ATF7: variants seen among roughly 807,000 people sequenced by gnomAD.
The protein encoded by ATF7 is activating transcription factor 7, also known as cyclic AMP-dependent transcription factor ATF-7.
ATF7 carries 10 observed loss-of-function variants against 50.4 expected under a neutral mutation model. The observed-to-expected ratio is 0.20, with a 90% CI of 0.12 to 0.34. The LOEUF is 0.34. Among genes scored for constraint, ATF7 ranks in the 10% least tolerant of loss-of-function variants. The pLI, the probability that ATF7 is intolerant of heterozygous loss-of-function variation, is 1.00. For missense variants in ATF7, 465 were observed against 613.9 expected, an observed-to-expected ratio of 0.76 and a Z score of 2.56; for synonymous variants, 201 against 226.4, an observed-to-expected ratio of 0.89 and a Z score of 1.01.
intron 7 of ATF7, 54 bp from the exon 8 acceptor site, chr12:53,532,677 T>C: frequency 7.7e-7 from 1 of 1,303,802 alleles, no homozygotes; most frequent in South Asian, 1.3e-5. Flanking sequence ...ATACCATCGG[T>C]GGGGCAACAG....
chr12:53,580,663 C>CAAAAAAA (rs539252431), intron 2 of ATF7, among the ~76,000 whole-genome samples: 3 of 37,644 alleles, frequency 8.0e-5, no homozygotes, highest in Non-Finnish European at 1.2e-4. Flanking sequence ...GACTCCATCT[C>CAAAAAAA]AAAAAAAAAA....
chr12:53,603,416 G>C (rs1008580591), intron 1 of ATF7, among the ~76,000 whole-genome samples: 2 of 151,980 alleles, frequency 1.3e-5, no homozygotes, highest in South Asian at 2.1e-4. Context: ...AATTTGGGGG[G>C]AAAAAGCATT....
At chr12:53,613,421 TAATA>T (rs1364586032) in intron 1 of ATF7, among the ~76,000 whole-genome samples, 18 of 152,318 alleles carry the variant, frequency 1.2e-4, no homozygotes, top group Admixed American at 9.2e-4. Flanking sequence ...TAAAGTAAAT[TAATA>T]AATATTTTAA....
At chr12:53,613,980 AC>A (rs1944005424) in intron 1 of ATF7, among the ~76,000 whole-genome samples, 1 of 152,052 alleles carries the variant, frequency 6.6e-6, no homozygotes, top group Non-Finnish European at 1.5e-5. Flanking sequence ...ACATGCAGAA[AC>A]TGGCTTCAAA....
chr12:53,587,843 A>ATATATATATATATATATATTTTT, intron 2 of ATF7, among the ~76,000 whole-genome samples: 38 of 61,530 alleles, frequency 6.2e-4, no homozygotes, highest in African/African-American at 1.3e-3. Flanking sequence ...ATATATATAT[A>ATATATATATATATATATATTTTT]TTTTTTTTTT....
At chr12:53,532,379 C>T (rs757255182) in intron 8 of ATF7, 131 bp downstream of exon 8, 20 of 672,192 alleles carry the variant, frequency 3.0e-5, no homozygotes, top group Non-Finnish European at 5.0e-5. Flanking sequence ...TTTTCCAGAC[C>T]CCACAGCAGG....
chr12:53,534,694 TTAAGGTGTGCTTATAGGGAAA>T, intron 5 of ATF7, 35 bp from the exon 6 acceptor site: 1 of 1,601,466 alleles, frequency 6.2e-7, no homozygotes, highest in South Asian at 1.1e-5. Flanking sequence ...ACAAAATGTT[TTAAGGTGTGCTTATAGGGAAA>T]TATATAGATG....
At chr12:53,592,748 C>T (rs1942999152) in intron 2 of ATF7, among the ~76,000 whole-genome samples, 1 of 152,102 alleles carries the variant, frequency 6.6e-6, no homozygotes, top group African/African-American at 2.4e-5. Context: ...ACTAAGTACA[C>T]TAGTACAATA....
At chr12:53,616,421 C>T (rs1944120380) in intron 1 of ATF7, among the ~76,000 whole-genome samples, 1 of 151,978 alleles carries the variant, frequency 6.6e-6, no homozygotes, top group Admixed American at 6.6e-5. Context: ...TGGGGTCTCC[C>T]TGTGTTGCTC....
rs145924598 is a variant in ATF7 at position 53,607,886 on chromosome 12, A to C, written c.-21-6865T>G. On this transcript the variant is annotated intron_variant, in intron 1 of 11. Coordinates refer to ENST00000420353, the MANE Select transcript of ATF7 (RefSeq NM_006856.3). ...TAGTAAATCAAAAAATTATAATGTAATCTAATAAGAAAAAAGAATGCAGAT... is the reference window on the plus strand; with the variant it reads ...TAGTAAATCAAAAAATTATAATGTACTCTAATAAGAAAAAAGAATGCAGAT... 3.2e-3 allele frequency among the ~76,000 whole-genome samples: 488 copies of C among 152,246 alleles called. 3 individuals are homozygous for C. Among genetic ancestry groups the C allele is most frequent in the African/African-American group, 0.011 (469 of 41,538 alleles).
intron 1 of ATF7, among the ~76,000 whole-genome samples, chr12:53,621,155 G>T (rs1026935364): frequency 1.4e-4 from 21 of 152,080 alleles, no homozygotes; most frequent in Admixed American, 5.2e-4. Flanking sequence ...TACTGCATTT[G>T]GATTTCAACA....
At chr12:53,561,857 A>T (rs1322058577) in intron 2 of ATF7, among the ~76,000 whole-genome samples, 1 of 152,258 alleles carries the variant, frequency 6.6e-6, no homozygotes, top group Non-Finnish European at 1.5e-5. Context: ...CAGCAACAGT[A>T]GCTCATATGC....
At chr12:53,600,444 C>T (rs1003880964) in intron 2 of ATF7, among the ~76,000 whole-genome samples, 1 of 151,942 alleles carries the variant, frequency 6.6e-6, no homozygotes, top group Admixed American at 6.6e-5. Flanking sequence ...GGGCTCAAGC[C>T]ATTCTCCTGC....
At chr12:53,612,570 C>G (rs1592993686) in intron 1 of ATF7, among the ~76,000 whole-genome samples, 1 of 152,180 alleles carries the variant, frequency 6.6e-6, no homozygotes, top group Non-Finnish European at 1.5e-5. Context: ...CCTTGCCCAA[C>G]AGCTGCATTT....
intron 1 of ATF7, among the ~76,000 whole-genome samples, chr12:53,611,222 G>A (rs1354993064): frequency 3.3e-5 from 5 of 152,120 alleles, no homozygotes; most frequent in Non-Finnish European, 7.4e-5. Context: ...TGTAATCCCG[G>A]CATTTTGGGA....
chr12:53,562,536 G>C (rs570588196), intron 2 of ATF7, among the ~76,000 whole-genome samples: 4 of 151,982 alleles, frequency 2.6e-5, no homozygotes, highest in African/African-American at 9.7e-5. Context: ...CCAGCTACTC[G>C]GGAGGCTGAG....
intron 1 of ATF7, among the ~76,000 whole-genome samples, chr12:53,624,090 A>G (rs1023944872): frequency 1.3e-5 from 2 of 152,224 alleles, no homozygotes; most frequent in Non-Finnish European, 2.9e-5. Flanking sequence ...GCAATCACCA[A>G]TTCTAGGGCA....
At position 53,524,834 on chromosome 12, in the gene ATF7, T is replaced by C. The variant is rs993201484; in HGVS notation, c.928-73A>G. 14 of 1,330,296 alleles carry C rather than the reference T, an allele frequency of 1.1e-5. No homozygotes were observed. Among genetic ancestry groups the C allele is most frequent in the Non-Finnish European group, 1.4e-5 (14 of 991,650 alleles). 82.4% of individuals were successfully genotyped at this position (1,330,296 alleles called of 1,614,324 possible). On this transcript the variant is annotated intron_variant, in intron 9 of 11. Transcript: ENST00000420353. This position sits in a 1 kb window ranked among gnomAD's most constrained non-coding sequence, Gnocchi z 4.6. ...TTTCCAAATCACACCTGATGTTAGG[T>C]AGAGTAGTAAGATCTGGTAAAAGGA...
At chr12:53,532,317 C>G (rs1333338469) in intron 8 of ATF7, among the ~76,000 whole-genome samples, 193 bp downstream of exon 8, 1 of 152,182 alleles carries the variant, frequency 6.6e-6, no homozygotes, top group African/African-American at 2.4e-5. Context: ...GTCTATGTAC[C>G]AGGCTCTAAA....
Sources: allele counts gnomAD v4.1 joint callset (sites outside exome capture counted in the v4.1 genomes callset), GRCh38; gene constraint gnomAD v4.1.1; non-coding constraint Gnocchi (gnomAD v3.1); transcripts MANE v1.5; gene names NCBI Gene and HGNC (gene_info 2026-07-23, HGNC 2026-07-21).